Variants in GSTO2 observed in about 807,000 individuals in gnomAD.
GSTO2 encodes the protein glutathione S-transferase omega 2, also known as glutathione S-transferase omega-2.
In GSTO2, 23 loss-of-function variants were observed where a neutral mutation model predicts 28.4. The ratio of observed to expected loss-of-function variants is 0.81; its 90% CI spans 0.58 to 1.15. The LOEUF is 1.15. Among genes scored for constraint, GSTO2 ranks in the 50% most tolerant of loss-of-function variants. The probability of loss-of-function intolerance (pLI) is 0.00; values close to 1 mark genes in which losing one functional copy is unlikely to be tolerated. For missense variants in GSTO2, 298 were observed against 297.8 expected (o/e 1.00, Z 0.00); for synonymous variants, 109 against 111.0 (o/e 0.98, Z 0.11).
intron 6 of GSTO2, among the ~76,000 whole-genome samples, chr10:104,298,666 T>G (rs541195724): frequency 6.6e-6 from 1 of 152,340 alleles, no homozygotes; most frequent in African/African-American, 2.4e-5. Context: ...CTTCAAGGTT[T>G]CATCCTTGTT....
intron 1 of GSTO2, 89 bp from the exon 2 acceptor site, chr10:104,274,596 A>T: frequency 2.2e-6 from 1 of 459,034 alleles, no homozygotes; most frequent in Non-Finnish European, 3.8e-6. Flanking sequence ...TTCTTGATGT[A>T]GAGGAGGCCC....
At chr10:104,299,064 A>G (rs2013170588) in intron 6 of GSTO2, 64 bp from the exon 7 acceptor site, 1 of 1,426,124 alleles carries the variant, frequency 7.0e-7, no homozygotes, top group African/African-American at 1.5e-5. Flanking sequence ...CTAAAAAGCA[A>G]CGTGCATCCC....
intron 5 of GSTO2, among the ~76,000 whole-genome samples, chr10:104,290,192 G>A (rs936153386): frequency 2.0e-5 from 3 of 152,152 alleles, no homozygotes; most frequent in Admixed American, 6.5e-5. Flanking sequence ...AAGTGTGCAC[G>A]AATAAGGAAT....
intron 4 of GSTO2, among the ~76,000 whole-genome samples, chr10:104,279,040 C>T (rs146762257): frequency 1.2e-4 from 18 of 152,248 alleles, no homozygotes; most frequent in Admixed American, 7.2e-4. Flanking sequence ...GTACTGCTAT[C>T]GTATCCATTT....
At position 104,301,426 on chromosome 10, in the gene GSTO2, G is replaced by A. The variant is rs2013254129; in HGVS notation, c.*2142G>A. The A allele has an allele frequency of 1.3e-5, 2 of 152,178 alleles. No homozygotes were observed. The highest frequency in any genetic ancestry group is 4.1e-4 in the South Asian group (2 of 4,824). 9.4% of individuals were successfully genotyped at this position (152,178 alleles called of 1,614,324 possible). A position where few individuals can be genotyped will look rare whatever the true frequency, so the allele number is the denominator to read the frequency against. On this transcript the variant is annotated 3_prime_UTR_variant, in exon 7 of 7. Transcript: ENST00000338595. ...TGCCTCTTGGCCAGGCATGCTCCCT[G>A]CTGTTTACCAGGGTCCTGGTCACCT...
chr10:104,271,436 C>T (rs1207864240), intron 1 of GSTO2, among the ~76,000 whole-genome samples: 2 of 152,210 alleles, frequency 1.3e-5, no homozygotes, highest in Non-Finnish European at 2.9e-5. Flanking sequence ...ACTATACTGA[C>T]GATGCCCTGG....
In GSTO2 at chr10:104,299,696, T is replaced by C. The variant is rs1463298953; in HGVS notation, c.*412T>C. On this transcript the variant is annotated 3_prime_UTR_variant, in exon 7 of 7. Transcript: ENST00000338595. ...TCTCACTATGTTGCTCAGGCTGGTCTCCATCTCCTGGCCGCAAGCCATCCA... is the reference window on the plus strand; with the variant it reads ...TCTCACTATGTTGCTCAGGCTGGTCCCCATCTCCTGGCCGCAAGCCATCCA... The C allele has an allele frequency of 5.3e-6, 1 of 188,170 alleles. No individual in the cohort carries two copies. Among genetic ancestry groups the C allele is most frequent in the Non-Finnish European group, 1.1e-5 (1 of 91,494 alleles). The allele number at this position is 188,170 out of a possible 1,614,324, so 11.7% of individuals were successfully genotyped here.
intron 3 of GSTO2, among the ~76,000 whole-genome samples, 176 bp from the exon 4 acceptor site, chr10:104,277,718 A>C (rs879296152): frequency 6.6e-6 from 1 of 152,232 alleles, no homozygotes; most frequent in Non-Finnish European, 1.5e-5. Context: ...AACATCCGAC[A>C]CATCTTACTG....
chr10:104,303,794 A>G lies in GSTO2; in HGVS notation c.*4510A>G, dbSNP rs920424425. On this transcript the variant is annotated 3_prime_UTR_variant, in exon 7 of 7. Coordinates refer to ENST00000338595, the MANE Select transcript of GSTO2 (RefSeq NM_183239.2). The stretch of plus-strand genomic sequence containing the variant: ...AGACTCAGAGGCCTAGGAGGACAGA[A>G]TGACTCTGAGTATTAAAGTAGATTT... 7 of 152,236 alleles carry G rather than the reference A, an allele frequency of 4.6e-5. No homozygotes were observed. Among genetic ancestry groups the G allele is most frequent in the African/African-American group, 1.4e-4 (6 of 41,458 alleles). 9.4% of individuals were successfully genotyped at this position (152,236 alleles called of 1,614,324 possible).
chr10:104,275,249 C>T lies in GSTO2; in HGVS notation c.58C>T (p.Pro20Ser), dbSNP rs1242440494. Residue 20 changes from proline (P) to serine (S), a missense_variant, in exon 3 of 7, where the codon CCG (proline) becomes TCG (serine). Physicochemically the swap from Pro to Ser is moderately conservative, Grantham distance 74. Transcript: ENST00000338595. ...GKGSQPPGPV[P>S]EGLIRIYSMR... ...AGGAAGCCAGCCCCCAGGGCCAGTC[C>T]CGGAGGGGCTGATCCGCATCTACAG... 1 of 1,613,786 alleles carries T rather than the reference C, an allele frequency of 6.2e-7. No individual in the cohort carries two copies.
chr10:104,297,949 C>T (rs556445711), intron 6 of GSTO2, among the ~76,000 whole-genome samples: 2 of 152,298 alleles, frequency 1.3e-5, no homozygotes, highest in East Asian at 1.9e-4. Context: ...TCCTCACCAG[C>T]GCCCCCACAT....
chr10:104,274,094 C>A (rs1056239343), intron 1 of GSTO2, among the ~76,000 whole-genome samples: 2 of 152,294 alleles, frequency 1.3e-5, no homozygotes, highest in South Asian at 4.1e-4. Context: ...GCAAGTCGCC[C>A]CTATATGGCT....
chr10:104,276,295 G>A (rs760417232), intron 3 of GSTO2, among the ~76,000 whole-genome samples: 21 of 152,308 alleles, frequency 1.4e-4, no homozygotes, highest in Non-Finnish European at 2.9e-4. Flanking sequence ...CTGACCTTAA[G>A]GTTACCTGTT....
chr10:104,274,416 G>A (rs915950940), intron 1 of GSTO2, among the ~76,000 whole-genome samples: 2 of 152,136 alleles, frequency 1.3e-5, no homozygotes, highest in African/African-American at 4.8e-5. Flanking sequence ...TGTATCATGA[G>A]AATGTTTGGC....
At chr10:104,283,497 G>A (rs566259258) in intron 5 of GSTO2, among the ~76,000 whole-genome samples, 3 of 152,228 alleles carry the variant, frequency 2.0e-5, no homozygotes, top group South Asian at 2.1e-4. Context: ...ATGGCAGTGC[G>A]GGTCTGTAGT....
intron 5 of GSTO2, among the ~76,000 whole-genome samples, chr10:104,279,787 G>A (rs2011907618): frequency 6.6e-6 from 1 of 152,176 alleles, no homozygotes; most frequent in South Asian, 2.1e-4. Flanking sequence ...TAGGGGTTGT[G>A]TTTGGCTGCT....
At chr10:104,289,533 G>T (rs7899587) in intron 5 of GSTO2, among the ~76,000 whole-genome samples, 1 of 152,078 alleles carries the variant, frequency 6.6e-6, no homozygotes, top group Non-Finnish European at 1.5e-5. Context: ...ATAACTGATG[G>T]GCAGCAGGAG....
At chr10:104,283,206 A>G (rs564476390) in intron 5 of GSTO2, among the ~76,000 whole-genome samples, 2 of 152,358 alleles carry the variant, frequency 1.3e-5, no homozygotes, top group South Asian at 4.1e-4. Context: ...CAGCCTCTAT[A>G]TAGGTAGCTT....
Position 104,274,925 on chromosome 10 carries a change from G to A in GSTO2, c.10G>A (p.Asp4Asn), listed in dbSNP as rs748533946. Residue 4 changes from aspartate to asparagine, a missense_variant, in exon 2 of 7, where the codon GAT (aspartate) becomes AAT (asparagine). Coordinates refer to ENST00000338595, the MANE Select transcript of GSTO2 (RefSeq NM_183239.2). The stretch of plus-strand genomic sequence containing the variant: ...AAACCACCTGGAGACCATGTCTGGG[G>A]ATGCGACCAGGACCCTGGGGAAAGG... The part of the protein sequence containing the change: MSG[D>N]ATRTLGKGSQ... The A allele has an allele frequency of 6.2e-7, 1 of 1,610,044 alleles. No homozygotes were observed. The highest frequency in any genetic ancestry group is 1.7e-5 in the Admixed American group (1 of 59,348).
Sources: allele counts gnomAD v4.1 joint callset (sites outside exome capture counted in the v4.1 genomes callset), GRCh38; gene constraint gnomAD v4.1.1; transcripts MANE v1.5; gene names NCBI Gene and HGNC (gene_info 2026-07-23, HGNC 2026-07-21).